Variants in ZSCAN20 observed in about 807,000 individuals in gnomAD.
The protein encoded by ZSCAN20 is zinc finger and SCAN domain containing 20, also known as zinc finger and SCAN domain-containing protein 20.
Under a neutral mutation model 97.1 loss-of-function variants are expected in ZSCAN20, and 39 were observed. That is an observed-to-expected ratio of 0.40 (90% confidence interval 0.31 to 0.52). The LOEUF (loss-of-function observed/expected upper bound fraction) is 0.52, where lower values mean the gene tolerates loss of function less well. Ranked by LOEUF, ZSCAN20 falls within the 20% of genes least tolerant of loss-of-function variation. ZSCAN20 has a pLI of 0.49. For synonymous variants in ZSCAN20, 456 were observed against 467.3 expected, an observed-to-expected ratio of 0.98 and a Z score of 0.31; for missense variants, 1,115 against 1,290.4, an observed-to-expected ratio of 0.86 and a Z score of 2.08.
In ZSCAN20 at chr1:33,489,593, G is replaced by T. The variant is rs201693798; in HGVS notation, c.757G>T (p.Val253Leu). 5.0e-6 allele frequency: 8 copies of T among 1,614,066 alleles called. No homozygotes were observed. In the East Asian group the frequency reaches 1.8e-4, roughly 36 times the overall value. The change falls in exon 5 of 8, where the codon GTG becomes TTG. Residue 253 changes from valine to leucine, a missense_variant. Val to Leu is a conservative substitution (Grantham distance 32). Around this residue, in one of 3 missense-constraint regions of ZSCAN20, gnomAD observed 508 missense variants for 611.2 expected, o/e 0.83. Coordinates refer to ENST00000684572, the MANE Select transcript of ZSCAN20 (RefSeq NM_001377376.1). Reference sequence around the variant, plus strand: ...CCCAGGAGACGACTGTGGGAACAGCGTGTGCCTGGGTAAGGAGACGTACCC... The same window carrying T: ...CCCAGGAGACGACTGTGGGAACAGCTTGTGCCTGGGTAAGGAGACGTACCC... Reference protein sequence around the residue: ...DPPGDDCGNSVCLGVPVSKPS... With the variant: ...DPPGDDCGNSLCLGVPVSKPS...
intron 5 of ZSCAN20, among the ~76,000 whole-genome samples, chr1:33,490,650 AACACACACACACAC>A (rs372552175): frequency 3.5e-4 from 49 of 141,202 alleles, no homozygotes; most frequent in African/African-American, 1.2e-3. Flanking sequence ...TACACACACA[AACACACACACACAC>A]ACACACACAC....
chr1:33,481,372 A>G (rs1365340308), intron 2 of ZSCAN20, among the ~76,000 whole-genome samples: 2 of 152,190 alleles, frequency 1.3e-5, no homozygotes, highest in Admixed American at 1.3e-4. Context: ...GATTAGACCA[A>G]AGGTTCTCAA....
chr1:33,480,578 G>A (rs1440519603), intron 2 of ZSCAN20, among the ~76,000 whole-genome samples: 8 of 152,158 alleles, frequency 5.3e-5, no homozygotes, highest in Admixed American at 5.2e-4. Context: ...ACTGGTCTAA[G>A]CTTATATATA....
chr1:33,490,912 G>A (rs1309258197), intron 5 of ZSCAN20, 113 bp from the exon 6 acceptor site: 3 of 968,592 alleles, frequency 3.1e-6, no homozygotes, highest in Non-Finnish European at 4.5e-6. Context: ...GGATCAACTT[G>A]GGAATTTCTC....
chr1:33,495,439 C>T lies in ZSCAN20; in HGVS notation c.3095C>T (p.Ala1032Val). The change falls in exon 8 of 8, where the codon GCT becomes GTT. Residue 1032 changes from alanine to valine, a missense_variant. By Grantham distance (64) the Ala-to-Val change is moderately conservative. Around this residue, in one of 3 missense-constraint regions of ZSCAN20, gnomAD observed 554 missense variants for 584.9 expected, o/e 0.95. Coordinates refer to ENST00000684572, the MANE Select transcript of ZSCAN20 (RefSeq NM_001377376.1). ...TTCAACAACAGTTCCCACTTCAGTG[C>T]TCACCGGAGAACCCATGCAGGAGGG... ...KDFNNSSHFSAHRRTHAGGKA... is the reference protein window; with the variant it reads ...KDFNNSSHFSVHRRTHAGGKA... 6.4e-7 allele frequency: 1 copy of T among 1,565,430 alleles called. No individual in the cohort carries two copies. Among genetic ancestry groups the T allele is most frequent in the South Asian group, 1.2e-5 (1 of 82,816 alleles).
chr1:33,494,418 G>A lies in ZSCAN20; in HGVS notation c.2074G>A (p.Glu692Lys), dbSNP rs1159151222. ...QEQWQESSSE[E>K]DLEKLIDHQG... The stretch of plus-strand genomic sequence containing the variant: ...ACAGTGGCAAGAAAGTTCTTCTGAA[G>A]AGGACTTAGAAAAACTTATTGACCA... The change falls in exon 8 of 8, where the codon GAG (glutamate) becomes AAG (lysine). Residue 692 changes from glutamate to lysine, a missense_variant. By Grantham distance (56) the Glu-to-Lys change is moderately conservative (BLOSUM62 1). Transcript: ENST00000684572. 6.2e-7 allele frequency: 1 copy of A among 1,613,604 alleles called. No homozygotes were observed. Among genetic ancestry groups the A allele is most frequent in the Non-Finnish European group, 8.5e-7 (1 of 1,179,822 alleles).
Position 33,489,112 on chromosome 1 carries a change from C to T in ZSCAN20, c.605-3C>T. On this transcript the variant is annotated splice_polypyrimidine_tract_variant and splice_region_variant and intron_variant, in intron 3 of 7. Coordinates refer to ENST00000684572, the MANE Select transcript of ZSCAN20 (RefSeq NM_001377376.1). ...GGTTTCAGTGACTTTTTCTTTTCCT[C>T]AGCTGTCCTCACTCCCCGAGTCCCT... 1.2e-6 allele frequency: 2 copies of T among 1,609,098 alleles called. No homozygotes were observed. The highest frequency in any genetic ancestry group is 1.7e-6 in the Non-Finnish European group (2 of 1,176,656).
At chr1:33,490,334 C>T (rs1652548712) in intron 5 of ZSCAN20, among the ~76,000 whole-genome samples, 1 of 152,106 alleles carries the variant, frequency 6.6e-6, no homozygotes, top group African/African-American at 2.4e-5. Context: ...ATCTAGTTTT[C>T]TTCAAATATT....
At position 33,499,561 on chromosome 1, in the gene ZSCAN20, C is replaced by A. The variant is rs1248287869; in HGVS notation, c.*4085C>A. ...TTCAGCACGTGCATTGATGTACACA[C>A]TCAGTGACTCCCATCCAAGCCTCCC... is the stretch of plus-strand genomic sequence containing the variant. On this transcript the variant is annotated 3_prime_UTR_variant, in exon 8 of 8. Coordinates refer to ENST00000684572, the MANE Select transcript of ZSCAN20 (RefSeq NM_001377376.1). 6.6e-6 allele frequency among the ~76,000 whole-genome samples: 1 copy of A among 152,104 alleles called. No homozygotes were observed. Among genetic ancestry groups the A allele is most frequent in the Non-Finnish European group, 1.5e-5 (1 of 68,036 alleles).
chr1:33,475,825 AT>A (rs10542814), intron 1 of ZSCAN20, among the ~76,000 whole-genome samples: 36,607 of 141,388 alleles, frequency 0.26, 4,753 homozygotes, highest in Admixed American at 0.37. Context: ...ACGCTTGGCT[AT>A]TTTTTTTTTT....
At chr1:33,478,639 G>C (rs1652023607) in intron 1 of ZSCAN20, among the ~76,000 whole-genome samples, 1 of 152,110 alleles carries the variant, frequency 6.6e-6, no homozygotes, top group African/African-American at 2.4e-5. Flanking sequence ...ATGACCAGGG[G>C]ATAGCATAGA....
chr1:33,486,646 AATC>A (rs1467971446), intron 2 of ZSCAN20, among the ~76,000 whole-genome samples: 1 of 152,210 alleles, frequency 6.6e-6, no homozygotes, highest in Non-Finnish European at 1.5e-5. Context: ...CCATCCATGG[AATC>A]AGAATCTTTG....
intron 1 of ZSCAN20, among the ~76,000 whole-genome samples, chr1:33,473,459 T>C (rs1380329569): frequency 1.3e-5 from 2 of 152,074 alleles, no homozygotes; most frequent in South Asian, 2.1e-4. Context: ...AAAACTTTCA[T>C]TGGCACCCAG....
chr1:33,492,987 C>T (rs1345226751), intron 6 of ZSCAN20, among the ~76,000 whole-genome samples, 200 bp from the exon 7 acceptor site: 1 of 152,092 alleles, frequency 6.6e-6, no homozygotes, highest in African/African-American at 2.4e-5. Context: ...AATAGAATCT[C>T]TTAGAAGAGG....
rs575310484 is a variant in ZSCAN20 at position 33,481,907 on chromosome 1, C to T, written c.417+2202C>T. 1.6e-4 allele frequency among the ~76,000 whole-genome samples: 24 copies of T among 152,256 alleles called. 1 individual carries two copies. Among genetic ancestry groups the T allele is most frequent in the Middle Eastern group, 3.4e-3 (1 of 294 alleles). On this transcript the variant is annotated intron_variant, in intron 2 of 7. Transcript: ENST00000684572. ...CTTTATTTTTTAGAGCAATTTTAGG[C>T]TCAAACTCACAGCAAAATTGAGCAG...
chr1:33,489,559 T>C lies in ZSCAN20; in HGVS notation c.723T>C (p.Cys241=). ...GCAAACATGCTGAGAAGGAGCTCTG[T>C]AAAGACCCCCCAGGAGACGACTGTG... The part of the protein sequence containing the change: ...GPGKHAEKEL[C]KDPPGDDCGN... Residue 241 remains cysteine (C), a synonymous_variant, in exon 5 of 8, where the codon TGT becomes TGC. Coordinates refer to ENST00000684572, the MANE Select transcript of ZSCAN20 (RefSeq NM_001377376.1). 1 of 1,614,074 alleles carries C rather than the reference T, an allele frequency of 6.2e-7. No individual in the cohort carries two copies. The highest frequency in any genetic ancestry group is 8.5e-7 in the Non-Finnish European group (1 of 1,180,004).
In ZSCAN20 at chr1:33,488,637, C is replaced by T. The variant is rs372005304; in HGVS notation, c.590C>T (p.Pro197Leu). 1.8e-5 allele frequency: 29 copies of T among 1,612,174 alleles called. No individual in the cohort carries two copies. The African/African-American group carries it at 2.4e-4, about 13-fold the overall frequency. ...CTAAATGCCGAGGTGGCACCACAGCCTTTGAAAGAGAGTGGTGAGTACATC... is the reference window on the plus strand; with the variant it reads ...CTAAATGCCGAGGTGGCACCACAGCTTTTGAAAGAGAGTGGTGAGTACATC... ...NHLNAEVAPQ[P>L]LKESAVLTPR... is the part of the protein sequence containing the mutation. Residue 197 changes from proline to leucine, a missense_variant, in exon 3 of 8, where the codon CCT (proline) becomes CTT (leucine). Pro to Leu is a moderately conservative substitution (Grantham distance 98). Transcript: ENST00000684572.
At position 33,487,474 on chromosome 1, in the gene ZSCAN20, T is replaced by G. The variant is rs527327376; in HGVS notation, c.418-991T>G. 4.6e-5 allele frequency among the ~76,000 whole-genome samples: 7 copies of G among 152,294 alleles called. No homozygotes were observed. In the South Asian group the frequency reaches 1.5e-3, roughly 32 times the overall value. ...TGTTATTTTAGTTGATTACTCCCTT[T>G]TATTTTAAATATCTATATCTCTGAG... On this transcript the variant is annotated intron_variant, in intron 2 of 7. Transcript: ENST00000684572.
At chr1:33,478,207 A>C (rs550558258) in intron 1 of ZSCAN20, among the ~76,000 whole-genome samples, 1 of 152,158 alleles carries the variant, frequency 6.6e-6, no homozygotes, top group Non-Finnish European at 1.5e-5. Context: ...TTGTGCAAAC[A>C]ATAGAGCAGA....
Sources: gnomAD v4.1 joint callset for allele counts (sites outside exome capture counted in the v4.1 genomes callset) on GRCh38, gnomAD v4.1.1 for gene constraint, gnomAD v4.1.1 regional missense constraint, MANE v1.5 for transcripts, NCBI Gene and HGNC (gene_info 2026-07-23, HGNC 2026-07-21) for gene names.